Variants in CNTNAP3 observed in about 807,000 individuals in gnomAD.
CNTNAP3 encodes contactin associated protein family member 3.
Under a neutral mutation model 92.1 loss-of-function variants are expected in CNTNAP3, and 36 were observed. The ratio of observed to expected loss-of-function variants is 0.39; its 90% CI spans 0.30 to 0.52. The LOEUF is 0.52. CNTNAP3 is among the 20% of genes least tolerant of loss of function. The pLI, the probability that CNTNAP3 is intolerant of heterozygous loss-of-function variation, is 0.76. For synonymous variants in CNTNAP3, 232 were observed against 422.3 expected (o/e 0.55, Z 5.53); for missense variants, 534 against 1,069.6 (o/e 0.50, Z 6.98).
At position 39,065,845 on chromosome 9, in the gene CNTNAP3, A is replaced by G. The variant is rs1020505206; in HGVS notation, c.*8045T>C. Among the ~76,000 whole-genome samples, 38 of 152,164 alleles carry G rather than the reference A, an allele frequency of 2.5e-4. No homozygotes were observed. The highest frequency in any genetic ancestry group is 4.7e-4 in the Non-Finnish European group (32 of 68,008). ...AGTTGTTAAGAGTTCTTTATGAACT[A>G]TATTCTGAAAAAAATTTACAGCATT... On this transcript the variant is annotated 3_prime_UTR_variant, in exon 24 of 24. Transcript: ENST00000297668.
intron 15 of CNTNAP3, among the ~76,000 whole-genome samples, chr9:39,108,524 C>T (rs7045453): frequency 0.19 from 28,611 of 152,058 alleles, 4,068 homozygotes; most frequent in African/African-American, 0.4. Context: ...GACTTCTCCA[C>T]GGCAATGTAT....
intron 10 of CNTNAP3, among the ~76,000 whole-genome samples, chr9:39,147,886 A>G (rs1236912483): frequency 6.6e-6 from 1 of 152,218 alleles, no homozygotes; most frequent in Non-Finnish European, 1.5e-5. Context: ...CTCATAACAG[A>G]AACACTGCAA....
intron 14 of CNTNAP3, among the ~76,000 whole-genome samples, chr9:39,112,456 C>T (rs1048858482): frequency 5.3e-5 from 8 of 152,076 alleles, no homozygotes; most frequent in South Asian, 2.1e-4. Context: ...ACCTCCACCC[C>T]CAGGATTCAA....
At chr9:39,131,655 G>A (rs1218996090) in intron 13 of CNTNAP3, among the ~76,000 whole-genome samples, 2 of 152,108 alleles carry the variant, frequency 1.3e-5, no homozygotes, top group South Asian at 2.1e-4. Context: ...GTGAAACCCC[G>A]TCTCTACTAA....
intron 10 of CNTNAP3, among the ~76,000 whole-genome samples, chr9:39,146,568 A>C (rs957928959): frequency 6.6e-6 from 1 of 152,162 alleles, no homozygotes; most frequent in African/African-American, 2.4e-5. Flanking sequence ...GGGCGCCTGT[A>C]GTTCCAGCTA....
intron 18 of CNTNAP3, among the ~76,000 whole-genome samples, chr9:39,093,499 A>C (rs1274546012): frequency 1.3e-5 from 2 of 151,270 alleles, no homozygotes; most frequent in Non-Finnish European, 3.0e-5. Context: ...CCCAAAATTA[A>C]ACTGTATTCA....
intron 14 of CNTNAP3, among the ~76,000 whole-genome samples, chr9:39,112,027 G>A (rs1826759357): frequency 7.1e-6 from 1 of 140,222 alleles, no homozygotes; most frequent in African/African-American, 3.1e-5. Context: ...TAATTAATAG[G>A]GACATCTCAT....
At chr9:39,141,668 A>G (rs1011514414) in intron 11 of CNTNAP3, among the ~76,000 whole-genome samples, 19 of 152,180 alleles carry the variant, frequency 1.2e-4, no homozygotes, top group African/African-American at 4.1e-4. Context: ...CTTATGGCAT[A>G]TTGATTTAAA....
chr9:39,086,794 G>A lies in CNTNAP3; in HGVS notation c.3276C>T (p.Thr1092=), dbSNP rs1230489563. Residue 1092 remains threonine (T), a synonymous_variant, in exon 20 of 24, where the codon ACC becomes ACT. Coordinates refer to ENST00000297668, the MANE Select transcript of CNTNAP3 (RefSeq NM_033655.5). ...CATCAGCCATGTTTTTAAAATCAAA[G>A]GTAAATGCATCAGGATTTTGATGTC... ...LDRHQNPDAF[T]FDFKNMADGQ... is the part of the protein sequence containing the mutation. 6.2e-7 allele frequency: 1 copy of A among 1,610,414 alleles called. No individual in the cohort carries two copies. The highest frequency in any genetic ancestry group is 8.5e-7 in the Non-Finnish European group (1 of 1,179,516).
chr9:39,166,787 GC>G (rs1414204514), intron 8 of CNTNAP3, among the ~76,000 whole-genome samples: 1 of 59,066 alleles, frequency 1.7e-5, no homozygotes, highest in Non-Finnish European at 3.5e-5. Context: ...TTTCTTATCT[GC>G]CTGTATGTGT....
chr9:39,084,430 G>A (rs1202977451), intron 21 of CNTNAP3, among the ~76,000 whole-genome samples: 1 of 152,044 alleles, frequency 6.6e-6, no homozygotes, highest in Non-Finnish European at 1.5e-5. Flanking sequence ...TCCTGACCTC[G>A]TGATCCGCCT....
chr9:39,089,592 T>A (rs1304989450), intron 18 of CNTNAP3, among the ~76,000 whole-genome samples: 1 of 152,186 alleles, frequency 6.6e-6, no homozygotes, highest in Non-Finnish European at 1.5e-5. Flanking sequence ...GGAGTAAAAT[T>A]GTTCAATCTT....
In CNTNAP3 at chr9:39,147,549, C is replaced by A. The variant is rs888544003; in HGVS notation, c.1649+2257G>T. On this transcript the variant is annotated intron_variant, in intron 10 of 23. Transcript: ENST00000297668. ...AATAGTAAATAGCCTTTATTTGTAG[C>A]CCTATTTGAAAATAATTTAAAAGTG... 2.6e-4 allele frequency among the ~76,000 whole-genome samples: 39 copies of A among 152,098 alleles called. 1 individual carries two copies. The highest frequency in any genetic ancestry group is 2.9e-5 in the Non-Finnish European group (2 of 68,022).
chr9:39,120,067 G>A (rs1820975157), intron 13 of CNTNAP3, among the ~76,000 whole-genome samples: 1 of 152,134 alleles, frequency 6.6e-6, no homozygotes, highest in South Asian at 2.1e-4. Flanking sequence ...CCCACATGTG[G>A]TGAAAGACAC....
At chr9:39,132,874 G>C in intron 13 of CNTNAP3, 58 bp downstream of exon 13, 1 of 1,493,434 alleles carries the variant, frequency 6.7e-7, no homozygotes, top group Non-Finnish European at 8.8e-7. Flanking sequence ...GCATCTCGCA[G>C]CCCGAGGGCC....
intron 21 of CNTNAP3, among the ~76,000 whole-genome samples, chr9:39,081,866 CAGG>C (rs1034076219): frequency 1.3e-5 from 2 of 148,530 alleles, no homozygotes; most frequent in Non-Finnish European, 3.0e-5. Context: ...ATGATGAGGT[CAGG>C]AGATCAAGAC....
chr9:39,067,169 C>T lies in CNTNAP3; in HGVS notation c.*6721G>A, dbSNP rs1471048031. Among the ~76,000 whole-genome samples the T allele has an allele frequency of 2.6e-5, 4 of 152,304 alleles. No individual in the cohort carries two copies. Among genetic ancestry groups the T allele is most frequent in the African/African-American group, 4.8e-5 (2 of 41,488 alleles). On this transcript the variant is annotated 3_prime_UTR_variant, in exon 24 of 24. Coordinates refer to ENST00000297668, the MANE Select transcript of CNTNAP3 (RefSeq NM_033655.5). ...ATCCATTGTATTTTTTAATCTTATA[C>T]ATTAACATTGTCATCTCTCGAAGTT...
chr9:39,074,930 G>A (rs1313715846), intron 23 of CNTNAP3, among the ~76,000 whole-genome samples: 1 of 152,282 alleles, frequency 6.6e-6, no homozygotes, highest in Non-Finnish European at 1.5e-5. Flanking sequence ...CACCGCGCCC[G>A]GCTAACTTTT....
chr9:39,125,290 T>C (rs1325741470), intron 13 of CNTNAP3, among the ~76,000 whole-genome samples: 1 of 151,130 alleles, frequency 6.6e-6, no homozygotes, highest in African/African-American at 2.4e-5. Flanking sequence ...TTCTCACTCA[T>C]AGGTGGGAAT....
Sources: gnomAD v4.1 joint callset for allele counts (sites outside exome capture counted in the v4.1 genomes callset) on GRCh38, gnomAD v4.1.1 for gene constraint, MANE v1.5 for transcripts, NCBI Gene and HGNC (gene_info 2026-07-23, HGNC 2026-07-21) for gene names.